DGKB: variants seen among roughly 807,000 people sequenced by gnomAD.
DGKB encodes 90 kDa diacylglycerol kinase.
A neutral mutation model predicts 114.3 loss-of-function variants in DGKB; 67 were observed. The observed-to-expected ratio is 0.59, with a 90% confidence interval of 0.48 to 0.72. The LOEUF is 0.72. Ranked by LOEUF, DGKB falls within the 30% of genes least tolerant of loss-of-function variation. The pLI is 0.00. For synonymous variants in DGKB, 398 were observed against 323.1 expected, an observed-to-expected ratio of 1.23 and a Z score of -2.49; for missense variants, 907 against 975.2, an observed-to-expected ratio of 0.93 and a Z score of 0.93.
chr7:14,682,029 C>T (rs1317276985), intron 12 of DGKB, among the ~76,000 whole-genome samples: 1 of 143,602 alleles, frequency 7.0e-6, no homozygotes, highest in Non-Finnish European at 1.5e-5. Flanking sequence ...TCTATCTAGT[C>T]ACGTGGTCAA....
chr7:14,386,278 G>A (rs1820324956), intron 21 of DGKB, among the ~76,000 whole-genome samples: 1 of 152,088 alleles, frequency 6.6e-6, no homozygotes, highest in Non-Finnish European at 1.5e-5. Context: ...CTTTACCGAT[G>A]TATTTCACTT....
intron 20 of DGKB, among the ~76,000 whole-genome samples, chr7:14,509,481 C>T (rs962081148): frequency 4.6e-5 from 7 of 152,206 alleles, no homozygotes; most frequent in Admixed American, 1.3e-4. Context: ...CCACCCATTT[C>T]AGTCCTGATA....
intron 13 of DGKB, among the ~76,000 whole-genome samples, chr7:14,668,566 T>G (rs898600446): frequency 2.0e-5 from 3 of 152,144 alleles, no homozygotes; most frequent in African/African-American, 7.2e-5. Flanking sequence ...TATCTTATGT[T>G]GTCACTTTGA....
intron 23 of DGKB, among the ~76,000 whole-genome samples, chr7:14,200,470 G>T (rs1312606020): frequency 6.6e-6 from 1 of 151,996 alleles, no homozygotes; most frequent in African/African-American, 2.4e-5. Flanking sequence ...TTTTACACAG[G>T]TGTTATGAAT....
intron 2 of DGKB, among the ~76,000 whole-genome samples, chr7:14,780,004 T>C (rs1838824263): frequency 6.6e-6 from 1 of 152,194 alleles, no homozygotes; most frequent in African/African-American, 2.4e-5. Flanking sequence ...TTCTTCTATA[T>C]TTAATTTTGT....
chr7:14,599,362 TC>T (rs2128760278), intron 17 of DGKB, among the ~76,000 whole-genome samples: 1 of 152,332 alleles, frequency 6.6e-6, no homozygotes, highest in East Asian at 1.9e-4. Context: ...CTTTCTGACA[TC>T]CGACTGCCCT....
chr7:14,749,897 T>C (rs182776001), intron 4 of DGKB, among the ~76,000 whole-genome samples: 24 of 152,308 alleles, frequency 1.6e-4, no homozygotes, highest in Admixed American at 7.8e-4. Context: ...ATAATGCACA[T>C]ATGAGCAGAC....
intron 17 of DGKB, among the ~76,000 whole-genome samples, chr7:14,593,765 G>C (rs549216324): frequency 5.8e-4 from 88 of 151,696 alleles, no homozygotes; most frequent in Admixed American, 1.6e-3. Context: ...AAACCAGAAT[G>C]GAGTCACTTG....
At chr7:14,913,902 G>A (rs1011660194) in intron 1 of DGKB, among the ~76,000 whole-genome samples, 2 of 151,952 alleles carry the variant, frequency 1.3e-5, no homozygotes, top group African/African-American at 4.8e-5. Context: ...CCACAAAATC[G>A]AAGAGACAAG....
intron 2 of DGKB, among the ~76,000 whole-genome samples, chr7:14,787,897 A>G (rs540087836): frequency 3.3e-5 from 5 of 152,302 alleles, no homozygotes; most frequent in African/African-American, 1.2e-4. Flanking sequence ...TTCTGCTGCT[A>G]GCAAAGAGGA....
Position 14,594,228 on chromosome 7 carries a change from G to C in DGKB, c.1434-11091C>G, listed in dbSNP as rs910846998. On this transcript the variant is annotated intron_variant, in intron 17 of 25. Coordinates refer to ENST00000402815, the MANE Select transcript of DGKB (RefSeq NM_001350709.2). ...AAAGGGAGGGATTTAATTGAACTTA[G>C]TATTTTCATACTGTATTTACTGCTA... 3.3e-5 allele frequency among the ~76,000 whole-genome samples: 5 copies of C among 152,090 alleles called. No individual in the cohort carries two copies. The East Asian group carries it at 9.7e-4, about 29-fold the overall frequency.
intron 21 of DGKB, among the ~76,000 whole-genome samples, chr7:14,470,525 T>G (rs13222661): frequency 6.6e-6 from 1 of 151,878 alleles, no homozygotes; most frequent in Non-Finnish European, 1.5e-5. Flanking sequence ...GTCAGTAATT[T>G]AAAAATCAAT....
chr7:14,380,751 A>AT (rs1019156000), intron 21 of DGKB, among the ~76,000 whole-genome samples: 42 of 152,064 alleles, frequency 2.8e-4, no homozygotes, highest in Admixed American at 2.8e-3. Context: ...AATAGTATAT[A>AT]TTTTTTCCAA....
At chr7:14,503,959 G>C (rs1178790683) in intron 20 of DGKB, among the ~76,000 whole-genome samples, 2 of 152,160 alleles carry the variant, frequency 1.3e-5, no homozygotes, top group African/African-American at 2.4e-5. Flanking sequence ...TATTAAAGCT[G>C]CCTTAGAAAA....
chr7:14,393,866 A>G (rs1412858107), intron 21 of DGKB, among the ~76,000 whole-genome samples: 1 of 152,178 alleles, frequency 6.6e-6, no homozygotes, highest in Admixed American at 6.5e-5. Context: ...GTTACATATA[A>G]CATGAAGATT....
At chr7:14,878,973 C>T (rs1160688975) in intron 1 of DGKB, among the ~76,000 whole-genome samples, 2 of 150,356 alleles carry the variant, frequency 1.3e-5, no homozygotes, top group African/African-American at 2.5e-5. Flanking sequence ...ACATCACTAC[C>T]AAAATAAATT....
intron 21 of DGKB, among the ~76,000 whole-genome samples, chr7:14,464,219 A>T (rs978848324): frequency 1.3e-4 from 20 of 152,172 alleles, no homozygotes; most frequent in Non-Finnish European, 2.6e-4. Context: ...AACAGCCAAA[A>T]TAATTAAAGT....
At chr7:14,372,410 G>C (rs1274382642) in intron 21 of DGKB, among the ~76,000 whole-genome samples, 2 of 152,108 alleles carry the variant, frequency 1.3e-5, no homozygotes, top group Non-Finnish European at 2.9e-5. Context: ...AGTGCGTAGT[G>C]GGGGGAACTA....
At chr7:14,575,920 G>A (rs1452635524) in intron 19 of DGKB, among the ~76,000 whole-genome samples, 5 of 152,102 alleles carry the variant, frequency 3.3e-5, no homozygotes, top group East Asian at 3.9e-4. Context: ...AGAGGAATAC[G>A]TTACACTTAA....
Sources: allele counts gnomAD v4.1 joint callset (sites outside exome capture counted in the v4.1 genomes callset), GRCh38; gene constraint gnomAD v4.1.1; transcripts MANE v1.5; gene names NCBI Gene and HGNC (gene_info 2026-07-23, HGNC 2026-07-21).